The following CLVS2 variants were observed in gnomAD, a reference collection of about 807,000 sequenced individuals.
The protein encoded by CLVS2 is clavesin-2.
In CLVS2, 19 loss-of-function variants were observed where a neutral mutation model predicts 29.0. The ratio of observed to expected loss-of-function variants is 0.66; its 90% CI spans 0.46 to 0.96. The LOEUF is 0.96. Among genes scored for constraint, CLVS2 ranks in the 40% least tolerant of loss-of-function variants. The pLI is 0.00. For missense variants in CLVS2, 294 were observed against 404.1 expected, an observed-to-expected ratio of 0.73 and a Z score of 2.34; for synonymous variants, 161 against 151.3, an observed-to-expected ratio of 1.06 and a Z score of -0.47.
intron 3 of CLVS2, among the ~76,000 whole-genome samples, chr6:123,025,869 G>T (rs1774992907): frequency 6.6e-6 from 1 of 152,022 alleles, no homozygotes; most frequent in Non-Finnish European, 1.5e-5. Flanking sequence ...TCTTTCTTAT[G>T]AGTTTTGCTC....
chr6:123,000,152 T>C (rs908229393), intron 2 of CLVS2, among the ~76,000 whole-genome samples: 1 of 152,214 alleles, frequency 6.6e-6, no homozygotes, highest in East Asian at 1.9e-4. Context: ...CTGTGTTCTG[T>C]AGAAATTTCC....
chr6:122,998,279 G>T (rs1774542297), intron 2 of CLVS2, 113 bp downstream of exon 2: 1 of 1,303,022 alleles, frequency 7.7e-7, no homozygotes, highest in Admixed American at 2.5e-5. Context: ...TTGGCTTGGA[G>T]AAAAGAGAAA....
intron 2 of CLVS2, among the ~76,000 whole-genome samples, chr6:122,998,729 G>C (rs907896172): frequency 6.6e-6 from 1 of 152,176 alleles, no homozygotes; most frequent in Non-Finnish European, 1.5e-5. Flanking sequence ...TGTCCCTTCA[G>C]TGAAAGGAAG....
chr6:123,026,101 AG>A (rs1480269420), intron 3 of CLVS2, among the ~76,000 whole-genome samples: 1 of 152,156 alleles, frequency 6.6e-6, no homozygotes, highest in Non-Finnish European at 1.5e-5. Flanking sequence ...TTCCATGTTA[AG>A]AGTAATATTT....
At chr6:123,052,282 A>G (rs1346724941) in intron 4 of CLVS2, among the ~76,000 whole-genome samples, 1 of 152,186 alleles carries the variant, frequency 6.6e-6, no homozygotes, top group Non-Finnish European at 1.5e-5. Context: ...TGCAGGATGT[A>G]GGTCAACAAG....
chr6:123,020,366 G>A (rs866590509), intron 3 of CLVS2, among the ~76,000 whole-genome samples: 2 of 152,028 alleles, frequency 1.3e-5, no homozygotes, highest in South Asian at 2.1e-4. Flanking sequence ...GAGCACTTCA[G>A]ATTTTGAATT....
Position 123,067,502 on chromosome 6 carries a change from C to CT in CLVS2, c.*3748dup, listed in dbSNP as rs568637972. ...TGGTTGGTGAATAATATCTCAGCTT[C>CT]TTTTTTTGTGTATATTTATTAATGA... On this transcript the variant is annotated 3_prime_UTR_variant, in exon 6 of 6. Coordinates refer to ENST00000275162, the MANE Select transcript of CLVS2 (RefSeq NM_001010852.4). The CT allele has an allele frequency of 7.9e-5, 12 of 151,576 alleles. No homozygotes were observed. The highest frequency in any genetic ancestry group is 1.3e-4 in the Non-Finnish European group (9 of 67,686). The allele number at this position is 151,576 out of a possible 1,614,324, so 9.4% of individuals were successfully genotyped here.
At chr6:123,061,216 G>A (rs553876529) in intron 5 of CLVS2, among the ~76,000 whole-genome samples, 2 of 152,148 alleles carry the variant, frequency 1.3e-5, no homozygotes, top group Non-Finnish European at 2.9e-5. Flanking sequence ...AGCATCAGTT[G>A]AACCCGGGAG....
rs914827837 is a variant in CLVS2 at position 122,996,274 on chromosome 6, C to A, written c.-1032C>A. On this transcript the variant is annotated 5_prime_UTR_variant, in exon 1 of 6. Transcript: ENST00000275162. Reference sequence around the variant, plus strand: ...GCAGCAGCCGGAGCCGCCGCCGCAGCCCGGTGGGGCAACCCTGACTCGGAC... The same window carrying A: ...GCAGCAGCCGGAGCCGCCGCCGCAGACCGGTGGGGCAACCCTGACTCGGAC... 5 of 156,576 alleles carry A rather than the reference C, an allele frequency of 3.2e-5. No individual in the cohort carries two copies. The East Asian group carries it at 7.6e-4, about 24-fold the overall frequency. The allele number at this position is 156,576 out of a possible 1,614,324, so 9.7% of individuals were successfully genotyped here. A position where few individuals can be genotyped will look rare whatever the true frequency, so the allele number is the denominator to read the frequency against.
At chr6:123,035,951 G>C (rs1351044132) in intron 3 of CLVS2, among the ~76,000 whole-genome samples, 1 of 152,120 alleles carries the variant, frequency 6.6e-6, no homozygotes, top group Non-Finnish European at 1.5e-5. Context: ...CTGAGATTGT[G>C]AAAGGAAAGA....
At chr6:123,024,482 C>T (rs1774971367) in intron 3 of CLVS2, among the ~76,000 whole-genome samples, 1 of 152,110 alleles carries the variant, frequency 6.6e-6, no homozygotes, top group South Asian at 2.1e-4. Flanking sequence ...TCAGCTAACT[C>T]ACCAGGTGGC....
chr6:123,021,591 G>A (rs9490633), intron 3 of CLVS2, among the ~76,000 whole-genome samples: 112,509 of 151,944 alleles, frequency 0.74, 42,123 homozygotes, highest in East Asian at 0.92. Flanking sequence ...TGTATTATAG[G>A]TTTATATGCA....
intron 1 of CLVS2, 93 bp from the exon 2 acceptor site, chr6:122,997,126 T>A (rs1214019374): frequency 3.1e-5 from 5 of 161,030 alleles, no homozygotes. Flanking sequence ...CACAAATTTG[T>A]CTTTTAAAAA....
rs562344993 is a variant in CLVS2 at position 123,068,490 on chromosome 6, A to T, written c.*4729A>T. ...ATCCTCAACTACTTTAAAAAATTGC[A>T]ATGAATTTTAATTCATTTACTTTTA... On this transcript the variant is annotated 3_prime_UTR_variant, in exon 6 of 6. Coordinates refer to ENST00000275162, the MANE Select transcript of CLVS2 (RefSeq NM_001010852.4). 6.6e-6 allele frequency: 1 copy of T among 151,804 alleles called. No individual in the cohort carries two copies. Among genetic ancestry groups the T allele is most frequent in the South Asian group, 2.1e-4 (1 of 4,826 alleles). 9.4% of individuals were successfully genotyped at this position (151,804 alleles called of 1,614,324 possible). A position where few individuals can be genotyped will look rare whatever the true frequency, so the allele number is the denominator to read the frequency against.
At chr6:123,059,909 G>C (rs147021686) in intron 5 of CLVS2, among the ~76,000 whole-genome samples, 8 of 152,138 alleles carry the variant, frequency 5.3e-5, no homozygotes, top group African/African-American at 1.9e-4. Flanking sequence ...GTTTCCTGCT[G>C]GTGTCATGGG....
At chr6:123,055,661 C>A (rs77537878) in intron 4 of CLVS2, 145 bp from the exon 5 acceptor site, 8,866 of 633,356 alleles carry the variant, frequency 0.014, 91 homozygotes, top group Non-Finnish European at 0.017. Flanking sequence ...GCCTGTTTTA[C>A]AGAGTAGATG....
intron 3 of CLVS2, among the ~76,000 whole-genome samples, chr6:123,047,387 AAAGTTT>A (rs1368669726): frequency 6.6e-6 from 1 of 152,120 alleles, no homozygotes; most frequent in African/African-American, 2.4e-5. Flanking sequence ...ATAAAAAGTA[AAAGTTT>A]TATCTTAAGC....
intron 3 of CLVS2, among the ~76,000 whole-genome samples, chr6:123,013,473 T>A (rs1413839402): frequency 6.6e-6 from 1 of 151,620 alleles, no homozygotes; most frequent in Admixed American, 6.6e-5. Flanking sequence ...TAAAAAAAAA[T>A]TATAGGGGAT....
intron 2 of CLVS2, among the ~76,000 whole-genome samples, chr6:123,007,813 A>G (rs1333593699): frequency 6.6e-6 from 1 of 152,172 alleles, no homozygotes; most frequent in Non-Finnish European, 1.5e-5. Flanking sequence ...GCTAGTTTTG[A>G]TTTATAGCTT....
Sources: allele counts gnomAD v4.1 joint callset (sites outside exome capture counted in the v4.1 genomes callset), GRCh38; gene constraint gnomAD v4.1.1; transcripts MANE v1.5; gene names NCBI Gene and HGNC (gene_info 2026-07-23, HGNC 2026-07-21).